Variants in RABL3 observed in about 807,000 individuals in gnomAD.
RABL3 encodes the protein rab-like protein 3.
RABL3 carries 31 observed loss-of-function variants against 31.8 expected under a neutral mutation model. That is an observed-to-expected ratio of 0.97 (90% CI 0.73 to 1.31). The LOEUF (loss-of-function observed/expected upper bound fraction) is 1.31. RABL3 is among the 40% of genes most tolerant of loss of function. The pLI is 0.00. For synonymous variants in RABL3, 97 were observed against 99.9 expected (o/e 0.97, Z 0.18); for missense variants, 263 against 279.6 (o/e 0.94, Z 0.42).
At chr3:120,719,913 A>T (rs1042896285) in intron 2 of RABL3, among the ~76,000 whole-genome samples, 1 of 152,232 alleles carries the variant, frequency 6.6e-6, no homozygotes, top group African/African-American at 2.4e-5. Flanking sequence ...ACCCCCGAGT[A>T]GCCTAACTGA....
At chr3:120,733,225 T>C (rs1440294439) in intron 1 of RABL3, among the ~76,000 whole-genome samples, 2 of 152,160 alleles carry the variant, frequency 1.3e-5, no homozygotes, top group East Asian at 3.9e-4. Flanking sequence ...CCAGCACCTG[T>C]TTTTTCATGA....
intron 6 of RABL3, among the ~76,000 whole-genome samples, chr3:120,691,367 C>G (rs1314457734): frequency 6.6e-6 from 1 of 152,088 alleles, no homozygotes; most frequent in Non-Finnish European, 1.5e-5. Flanking sequence ...GATTTTTTGA[C>G]TTTATGGTGG....
intron 6 of RABL3, among the ~76,000 whole-genome samples, chr3:120,693,242 A>G (rs1708400651): frequency 6.6e-6 from 1 of 152,156 alleles, no homozygotes; most frequent in Non-Finnish European, 1.5e-5. Context: ...TTAATCGAGG[A>G]GGGTGCTGGA....
intron 6 of RABL3, among the ~76,000 whole-genome samples, chr3:120,691,861 A>G (rs1708383570): frequency 1.3e-5 from 2 of 151,848 alleles, no homozygotes; most frequent in African/African-American, 4.8e-5. Context: ...TCCAGATTCA[A>G]CACCAAGACC....
intron 5 of RABL3, among the ~76,000 whole-genome samples, chr3:120,697,426 G>A (rs1236396214): frequency 6.6e-6 from 1 of 152,184 alleles, no homozygotes. Context: ...TTTTCAACCC[G>A]TAAGTGCTCA....
At chr3:120,731,843 G>A (rs1283501725) in intron 1 of RABL3, among the ~76,000 whole-genome samples, 1 of 152,132 alleles carries the variant, frequency 6.6e-6, no homozygotes, top group African/African-American at 2.4e-5. Flanking sequence ...CTTGAGCCCA[G>A]GAGTTTGCGA....
intron 6 of RABL3, among the ~76,000 whole-genome samples, chr3:120,691,517 T>C (rs1438042109): frequency 1.3e-5 from 2 of 152,214 alleles, no homozygotes; most frequent in African/African-American, 4.8e-5. Context: ...TGTTAGATGA[T>C]TCTGCCTAAC....
At chr3:120,729,715 T>C (rs1401543555) in intron 2 of RABL3, among the ~76,000 whole-genome samples, 1 of 151,996 alleles carries the variant, frequency 6.6e-6, no homozygotes, top group African/African-American at 2.4e-5. Flanking sequence ...ATTGAAGAGA[T>C]TCTTAGTTAA....
Position 120,691,827 on chromosome 3 carries a change from T to C in RABL3, c.607-1340A>G, listed in dbSNP as rs1183917747. On this transcript the variant is annotated intron_variant, in intron 6 of 7. Transcript: ENST00000273375. ...TCTGAATGAGAACAGACCAGCTTGC[T>C]CTCTCTGGTGCCACAGCCATTCATC... Among the ~76,000 whole-genome samples, 5 of 152,292 alleles carry C rather than the reference T, an allele frequency of 3.3e-5. No homozygotes were observed. The East Asian group carries it at 5.8e-4, about 18-fold the overall frequency.
intron 2 of RABL3, among the ~76,000 whole-genome samples, chr3:120,730,162 C>G (rs1708865701): frequency 2.0e-5 from 3 of 152,264 alleles, no homozygotes; most frequent in Middle Eastern, 6.8e-3. Flanking sequence ...TGTCTTAACT[C>G]AAAGGAGAGA....
chr3:120,690,496 A>G lies in RABL3; in HGVS notation c.607-9T>C, dbSNP rs773400454. ...TATCTCTTCTCTATGACCTGTGAAA[A>G]ACAAAGATTTTAAAGGCTTAGCACA... is the stretch of plus-strand genomic sequence containing the variant. On this transcript the variant is annotated splice_polypyrimidine_tract_variant and intron_variant, in intron 6 of 7. Transcript: ENST00000273375. 2 of 1,602,638 alleles carry G rather than the reference A, an allele frequency of 1.2e-6. No individual in the cohort carries two copies. The highest frequency in any genetic ancestry group is 2.2e-5 in the South Asian group (2 of 90,660).
intron 4 of RABL3, among the ~76,000 whole-genome samples, chr3:120,700,752 G>A (rs1708483600): frequency 6.6e-6 from 1 of 152,068 alleles, no homozygotes; most frequent in South Asian, 2.1e-4. Flanking sequence ...GAGAGTGGGA[G>A]AAGATAGAAA....
At chr3:120,690,074 C>A (rs1234038583) in intron 7 of RABL3, among the ~76,000 whole-genome samples, 186 bp from the exon 8 acceptor site, 1 of 152,030 alleles carries the variant, frequency 6.6e-6, no homozygotes, top group East Asian at 1.9e-4. Context: ...AAATGGAAAA[C>A]ATTTCCCAAC....
chr3:120,735,662 G>A (rs1487711809), intron 1 of RABL3, among the ~76,000 whole-genome samples: 1 of 152,020 alleles, frequency 6.6e-6, no homozygotes, highest in Non-Finnish European at 1.5e-5. Context: ...GATCTTTCCT[G>A]CTTTCTCTTG....
At chr3:120,733,741 A>G (rs927898558) in intron 1 of RABL3, among the ~76,000 whole-genome samples, 1 of 152,160 alleles carries the variant, frequency 6.6e-6, no homozygotes, top group African/African-American at 2.4e-5. Flanking sequence ...TATAAGGTGT[A>G]AGGAAGGGAT....
chr3:120,701,534 A>G (rs1708491494), intron 4 of RABL3, among the ~76,000 whole-genome samples: 1 of 152,206 alleles, frequency 6.6e-6, no homozygotes, highest in African/African-American at 2.4e-5. Context: ...ATTTAAGGAT[A>G]AGTTTCTTAA....
intron 2 of RABL3, among the ~76,000 whole-genome samples, chr3:120,717,011 G>T (rs1708678379): frequency 1.3e-5 from 2 of 152,286 alleles, no homozygotes; most frequent in African/African-American, 4.8e-5. Context: ...CCAGCACGTT[G>T]GGAGGCCTAG....
chr3:120,690,183 G>C (rs1708362771), intron 7 of RABL3, among the ~76,000 whole-genome samples: 1 of 152,086 alleles, frequency 6.6e-6, no homozygotes, highest in African/African-American at 2.4e-5. Context: ...GACAGACCCT[G>C]AACGTATACT....
chr3:120,733,083 C>T (rs138328557), intron 1 of RABL3, among the ~76,000 whole-genome samples: 35,978 of 151,926 alleles, frequency 0.24, 4,833 homozygotes, highest in Non-Finnish European at 0.3. Context: ...TACCCAGTAA[C>T]GGGATGGCCG....
Sources: allele counts gnomAD v4.1 joint callset (sites outside exome capture counted in the v4.1 genomes callset), GRCh38; gene constraint gnomAD v4.1.1; transcripts MANE v1.5; gene names NCBI Gene and HGNC (gene_info 2026-07-23, HGNC 2026-07-21).